The following CEP128 variants were observed in gnomAD, a reference collection of about 807,000 sequenced individuals.
The protein encoded by CEP128 is centrosomal protein 128.
CEP128 carries 132 observed loss-of-function variants against 156.7 expected under a neutral mutation model. The observed-to-expected ratio is 0.84, with a 90% confidence interval of 0.73 to 0.97. CEP128 has a LOEUF of 0.97. CEP128 is among the 50% of genes least tolerant of loss of function. The probability of loss-of-function intolerance (pLI) is 0.00; values close to 1 mark genes in which losing one functional copy is unlikely to be tolerated. For missense variants in CEP128, 1,252 were observed against 1,281.9 expected (o/e 0.98, Z 0.36); for synonymous variants, 469 against 448.9 (o/e 1.04, Z -0.57).
At chr14:80,576,174 T>A (rs898007490) in intron 20 of CEP128, among the ~76,000 whole-genome samples, 3 of 152,130 alleles carry the variant, frequency 2.0e-5, no homozygotes, top group Non-Finnish European at 2.9e-5. Context: ...CTATTAGCCA[T>A]CACGAGCAAG....
chr14:80,949,938 T>G (rs1443285748), intron 2 of CEP128, among the ~76,000 whole-genome samples: 1 of 151,954 alleles, frequency 6.6e-6, no homozygotes, highest in Non-Finnish European at 1.5e-5. Context: ...GTATGTTGAG[T>G]TTTGTTCCCC....
chr14:80,743,408 G>A (rs1312387074), intron 18 of CEP128, 141 bp from the exon 19 acceptor site: 3 of 635,730 alleles, frequency 4.7e-6, no homozygotes, highest in South Asian at 2.0e-5. Context: ...AAATATCCAT[G>A]TTTAATTTGC....
chr14:80,576,597 A>ACTAC (rs1891366528), intron 20 of CEP128, among the ~76,000 whole-genome samples: 1 of 151,596 alleles, frequency 6.6e-6, no homozygotes, highest in Non-Finnish European at 1.5e-5. Context: ...CTCCACTGCT[A>ACTAC]CTACCACTCA....
intron 4 of CEP128, among the ~76,000 whole-genome samples, chr14:80,910,024 C>A (rs1045402396): frequency 2.0e-5 from 3 of 152,132 alleles, no homozygotes; most frequent in South Asian, 2.1e-4. Context: ...GTTATAAATT[C>A]TTTTGAGTCT....
chr14:80,720,722 A>T (rs1421074252), intron 19 of CEP128, among the ~76,000 whole-genome samples: 1 of 152,222 alleles, frequency 6.6e-6, no homozygotes, highest in Admixed American at 6.5e-5. Flanking sequence ...AAAATAAAAA[A>T]CTAGACCTAG....
At chr14:80,614,043 C>G (rs1054890680) in intron 19 of CEP128, among the ~76,000 whole-genome samples, 1 of 151,744 alleles carries the variant, frequency 6.6e-6, no homozygotes, top group African/African-American at 2.4e-5. Flanking sequence ...TCTTATTTGA[C>G]AAGACTAGAT....
intron 19 of CEP128, among the ~76,000 whole-genome samples, chr14:80,690,561 C>T (rs1896687832): frequency 6.6e-6 from 1 of 151,998 alleles, no homozygotes; most frequent in Non-Finnish European, 1.5e-5. Context: ...AGAAATATAA[C>T]AACAACAACA....
intron 18 of CEP128, among the ~76,000 whole-genome samples, chr14:80,747,541 G>A (rs1365337222): frequency 6.6e-6 from 1 of 152,202 alleles, no homozygotes; most frequent in Non-Finnish European, 1.5e-5. Context: ...AGGGGCAATG[G>A]CTCACGCCTG....
chr14:80,660,969 T>C (rs1428707151), intron 19 of CEP128, among the ~76,000 whole-genome samples: 1 of 152,168 alleles, frequency 6.6e-6, no homozygotes, highest in Non-Finnish European at 1.5e-5. Context: ...CATATTCTTA[T>C]CTACTGCCTT....
chr14:80,640,160 A>G (rs1894349104), intron 19 of CEP128, among the ~76,000 whole-genome samples: 1 of 152,164 alleles, frequency 6.6e-6, no homozygotes. Context: ...CAAAACACAA[A>G]TAAGTCTGAA....
At chr14:80,479,670 C>T (rs1887013682) in intron 14 of CEP128, among the ~76,000 whole-genome samples, 2 of 152,174 alleles carry the variant, frequency 1.3e-5, no homozygotes, top group African/African-American at 2.4e-5. Context: ...CATTCTGCCC[C>T]TGGTCCCTCC....
chr14:80,620,056 C>T (rs949077536), intron 19 of CEP128, among the ~76,000 whole-genome samples: 8 of 151,690 alleles, frequency 5.3e-5, no homozygotes, highest in South Asian at 2.1e-4. Context: ...ACTCGGGAGG[C>T]GGAGGTTGCA....
At chr14:80,640,305 CAAAAT>C (rs1381916979) in intron 19 of CEP128, among the ~76,000 whole-genome samples, 4 of 152,056 alleles carry the variant, frequency 2.6e-5, no homozygotes, top group Non-Finnish European at 5.9e-5. Flanking sequence ...AACAAACAAA[CAAAAT>C]AAAAAGTTCA....
At chr14:80,741,879 C>G (rs567787224) in intron 19 of CEP128, among the ~76,000 whole-genome samples, 1 of 152,046 alleles carries the variant, frequency 6.6e-6, no homozygotes, top group East Asian at 1.9e-4. Context: ...AAGTTTAAAT[C>G]ACTACGCAGA....
intron 2 of CEP128, chr14:80,957,863 A>G (rs983155685): frequency 6.6e-6 from 1 of 152,228 alleles, no homozygotes; most frequent in African/African-American, 2.4e-5. Context: ...TGCTGATGAG[A>G]ATAGTCTGAG....
chr14:80,814,024 T>G (rs767022664), intron 13 of CEP128, among the ~76,000 whole-genome samples: 1 of 152,218 alleles, frequency 6.6e-6, no homozygotes, highest in East Asian at 1.9e-4. Context: ...CTTTGAAATA[T>G]GTTTCTATTC....
At chr14:80,708,870 C>T (rs935211943) in intron 19 of CEP128, among the ~76,000 whole-genome samples, 1 of 151,868 alleles carries the variant, frequency 6.6e-6, no homozygotes, top group Admixed American at 6.6e-5. Flanking sequence ...ATATAAATAT[C>T]CAGTTGTTAC....
Position 80,733,038 on chromosome 14 carries a change from C to T in CEP128, c.2806+10037G>A, listed in dbSNP as rs574188112. The stretch of plus-strand genomic sequence containing the variant: ...TTCTAAATGAGATTAACATTTGAAT[C>T]AGTAGACCGAAAAAAAGCATATTGC... On this transcript the variant is annotated intron_variant, in intron 19 of 24. Transcript: ENST00000555265. Among the ~76,000 whole-genome samples, 7 of 152,218 alleles carry T rather than the reference C, an allele frequency of 4.6e-5. No individual in the cohort carries two copies. The South Asian group carries it at 1.5e-3, about 32-fold the overall frequency.
intron 19 of CEP128, among the ~76,000 whole-genome samples, chr14:80,725,145 C>T (rs1337046698): frequency 2.0e-5 from 3 of 149,820 alleles, no homozygotes; most frequent in Non-Finnish European, 4.4e-5. Flanking sequence ...ATTCAATTCT[C>T]GAGTTTAGGT....
Sources: allele counts gnomAD v4.1 joint callset (sites outside exome capture counted in the v4.1 genomes callset), GRCh38; gene constraint gnomAD v4.1.1; transcripts MANE v1.5; gene names NCBI Gene and HGNC (gene_info 2026-07-23, HGNC 2026-07-21).